The following ANKRD17 variants were observed in gnomAD, a reference collection of about 807,000 sequenced individuals.
ANKRD17 encodes the protein ankyrin repeat domain 17.
A neutral mutation model predicts 229.7 loss-of-function variants in ANKRD17; 19 were observed. The observed-to-expected ratio is 0.08, with a 90% confidence interval of 0.06 to 0.12. The LOEUF is 0.12. ANKRD17 is among the 10% of genes least tolerant of loss of function. The pLI is 1.00. For missense variants in ANKRD17, 2,176 were observed against 3,176.8 expected, an observed-to-expected ratio of 0.68 and a Z score of 7.57; for synonymous variants, 1,112 against 1,146.1, an observed-to-expected ratio of 0.97 and a Z score of 0.60.
intron 1 of ANKRD17, among the ~76,000 whole-genome samples, chr4:73,242,544 C>T (rs4463038): frequency 1 from 152,005 of 152,318 alleles, 75,847 homozygotes; most frequent in East Asian, 1. Context: ...AAAATTAACA[C>T]AAATTTCAAT....
At chr4:73,132,112 T>G (rs979921166) in intron 16 of ANKRD17, among the ~76,000 whole-genome samples, 35 of 151,400 alleles carry the variant, frequency 2.3e-4, no homozygotes, top group East Asian at 1.4e-3. Flanking sequence ...ACTAGTTGTT[T>G]TTTTTTTTTT....
At chr4:73,142,061 T>C (rs1729682228) in intron 13 of ANKRD17, among the ~76,000 whole-genome samples, 181 bp downstream of exon 13, 1 of 152,198 alleles carries the variant, frequency 6.6e-6, no homozygotes, top group Non-Finnish European at 1.5e-5. Context: ...AGCTAAAGCA[T>C]AATCATATCA....
chr4:73,115,038 T>G (rs1725775011), intron 23 of ANKRD17, among the ~76,000 whole-genome samples: 1 of 152,192 alleles, frequency 6.6e-6, no homozygotes, highest in African/African-American at 2.4e-5. Flanking sequence ...GCCAATTCAT[T>G]CTAAAACTTA....
At chr4:73,177,970 A>G (rs893007441) in intron 1 of ANKRD17, among the ~76,000 whole-genome samples, 2 of 152,172 alleles carry the variant, frequency 1.3e-5, no homozygotes, top group Admixed American at 1.3e-4. Context: ...GATATTTACC[A>G]TACTGGAAAT....
At chr4:73,109,891 C>A (rs1725094905) in intron 24 of ANKRD17, among the ~76,000 whole-genome samples, 3 of 149,910 alleles carry the variant, frequency 2.0e-5, no homozygotes, top group Admixed American at 6.7e-5. Flanking sequence ...AAGTAGAATT[C>A]TAGAGGGAGT....
intron 1 of ANKRD17, among the ~76,000 whole-genome samples, chr4:73,248,618 AAGATT>A (rs1254041706): frequency 1.2e-4 from 18 of 152,090 alleles, no homozygotes; most frequent in African/African-American, 3.4e-4. Flanking sequence ...CATAGCTAAT[AAGATT>A]AGATAATAGC....
intron 20 of ANKRD17, 33 bp from the exon 21 acceptor site, chr4:73,120,370 C>T (rs367843981): frequency 3.0e-5 from 48 of 1,589,256 alleles, no homozygotes; most frequent in South Asian, 1.0e-4. Flanking sequence ...AGTAATGACA[C>T]GTAAGAGACT....
chr4:73,117,129 T>C lies in ANKRD17; in HGVS notation c.4189-1213A>G, dbSNP rs368017870. ...TCAAACTTGTACGACCTCTAGAGAT[T>C]AGAGATCTCGATGTGAACTCAAATA... is the stretch of plus-strand genomic sequence containing the variant. On this transcript the variant is annotated intron_variant, in intron 22 of 33. Coordinates refer to ENST00000358602, the MANE Select transcript of ANKRD17 (RefSeq NM_032217.5). Among the ~76,000 whole-genome samples the C allele has an allele frequency of 1.3e-4, 20 of 152,274 alleles. No homozygotes were observed. In the East Asian group the frequency reaches 3.1e-3, roughly 23 times the overall value.
chr4:73,142,342 G>A lies in ANKRD17; in HGVS notation c.2129C>T (p.Thr710Ile). Reference sequence around the variant, plus strand: ...ATCCAAGAGATAGCAAACAACACTTGTATGGCCACCTTTTGCTGCTTCTAT... The same window carrying A: ...ATCCAAGAGATAGCAAACAACACTTATATGGCCACCTTTTGCTGCTTCTAT... ...MLIEAAKGGH[T>I]SVVCYLLDYP... Residue 710 changes from threonine (T) to isoleucine (I), a missense_variant, in exon 13 of 34, where the codon ACA (threonine) becomes ATA (isoleucine). Thr to Ile is a moderately conservative substitution (Grantham distance 89). Transcript: ENST00000358602. 6.3e-7 allele frequency: 1 copy of A among 1,587,254 alleles called. No homozygotes were observed. The highest frequency in any genetic ancestry group is 8.5e-7 in the Non-Finnish European group (1 of 1,174,160).
At chr4:73,138,760 T>C (rs1325406711) in intron 15 of ANKRD17, among the ~76,000 whole-genome samples, 2 of 152,032 alleles carry the variant, frequency 1.3e-5, no homozygotes, top group Non-Finnish European at 2.9e-5. Flanking sequence ...TAAAACCTCA[T>C]CCCATTACTT....
At chr4:73,177,285 ATACCCAATATCATTCATTT>A in intron 2 of ANKRD17, 76 bp downstream of exon 2, 1 of 1,155,616 alleles carries the variant, frequency 8.7e-7, no homozygotes, top group Non-Finnish European at 1.2e-6. Flanking sequence ...ATCATTCTAA[ATACCCAATATCATTCATTT>A]TTAACAAGAG....
In ANKRD17 at chr4:73,258,391, T is replaced by TCGCTGTCGC. The variant is rs1745677650; in HGVS notation, c.269_277dup (p.Ser92_Asp93insGlyAspSer). 1 of 1,606,958 alleles carries TCGCTGTCGC rather than the reference T, an allele frequency of 6.2e-7. No homozygotes were observed. The highest frequency in any genetic ancestry group is 1.4e-5 in the African/African-American group (1 of 73,300). On this transcript the variant is annotated inframe_insertion, in exon 1 of 34. Transcript: ENST00000358602. ...GCCGCCTCCACCGCCGCCGCTGTTG[T>TCGCTGTCGC]CGCTGTCGCTGCTGCTTTCGCTGCT...
At position 73,077,047 on chromosome 4, in the gene ANKRD17, C is replaced by G; in HGVS notation, c.7645G>C (p.Asp2549His). ...AMIPPVAPIP[D>H]GAGGPIFNGP... Reference sequence around the variant, plus strand: ...TTAAATATGGGTCCTCCAGCACCATCAGGGATAGGTGCTACTGGAGGAATC... The same window carrying G: ...TTAAATATGGGTCCTCCAGCACCATGAGGGATAGGTGCTACTGGAGGAATC... Residue 2549 changes from aspartate (D) to histidine (H), a missense_variant, in exon 33 of 34, where the codon GAT (aspartate) becomes CAT (histidine). By Grantham distance (81) the Asp-to-His change is moderately conservative. Coordinates refer to ENST00000358602, the MANE Select transcript of ANKRD17 (RefSeq NM_032217.5). 6.2e-7 allele frequency: 1 copy of G among 1,613,398 alleles called. No individual in the cohort carries two copies. The highest frequency in any genetic ancestry group is 8.5e-7 in the Non-Finnish European group (1 of 1,179,702).
chr4:73,147,474 T>G, intron 8 of ANKRD17, 42 bp from the exon 9 acceptor site: 1 of 1,373,068 alleles, frequency 7.3e-7, no homozygotes, highest in Non-Finnish European at 9.6e-7. Context: ...GTCATTAACT[T>G]ATTCCAGAGA....
At position 73,220,753 on chromosome 4, in the gene ANKRD17, C is replaced by T. The variant is rs114032379; in HGVS notation, c.393+37523G>A. Among the ~76,000 whole-genome samples the T allele has an allele frequency of 6.1e-3, 934 of 152,048 alleles. 11 individuals are homozygous for T. Among genetic ancestry groups the T allele is most frequent in the African/African-American group, 0.019 (779 of 41,500 alleles). On this transcript the variant is annotated intron_variant, in intron 1 of 33. Transcript: ENST00000358602. ...AATAAGCATAATCTACATAAAATTC[C>T]GTATGTTCAATAAATAAAATCACAA...
intron 1 of ANKRD17, among the ~76,000 whole-genome samples, chr4:73,250,688 TTTGTTGTTG>T (rs537285641): frequency 6.9e-4 from 102 of 148,702 alleles, no homozygotes; most frequent in African/African-American, 2.1e-3. Flanking sequence ...TGTAACGGTT[TTTGTTGTTG>T]TTGTTGTTGT....
chr4:73,175,259 C>T lies in ANKRD17; in HGVS notation c.547+2121G>A, dbSNP rs570080083. 1.7e-4 allele frequency among the ~76,000 whole-genome samples: 26 copies of T among 152,186 alleles called. No homozygotes were observed. The South Asian group carries it at 2.3e-3, about 13-fold the overall frequency. On this transcript the variant is annotated intron_variant, in intron 2 of 33. Coordinates refer to ENST00000358602, the MANE Select transcript of ANKRD17 (RefSeq NM_032217.5). The stretch of plus-strand genomic sequence containing the variant: ...CAGCAGGAGAGAGAAGTGTGAGGAG[C>T]GGAAGGGGAAGAGCCCCTTATAAAA...
intron 6 of ANKRD17, among the ~76,000 whole-genome samples, chr4:73,152,576 G>A (rs1220125606): frequency 6.6e-6 from 1 of 152,132 alleles, no homozygotes; most frequent in Non-Finnish European, 1.5e-5. Context: ...ATTAAAGCCT[G>A]CAAGCCCCAA....
chr4:73,154,098 G>A lies in ANKRD17; in HGVS notation c.1016C>T (p.Thr339Ile). 1.3e-6 allele frequency: 2 copies of A among 1,598,950 alleles called. No individual in the cohort carries two copies. Among genetic ancestry groups the A allele is most frequent in the Non-Finnish European group, 1.7e-6 (2 of 1,174,222 alleles). The change falls in exon 6 of 34, where the codon ACA becomes ATA. Residue 339 changes from threonine to isoleucine, a missense_variant. Transcript: ENST00000358602. ...TACATAGCCTCCAGCACAAGCATAT[G>A]TAAGTGCTGTATTGCCTATTTTAAT... ...AQSSTGNTALTYACAGGYVDV... is the reference protein window; with the variant it reads ...AQSSTGNTALIYACAGGYVDV...
Sources: gnomAD v4.1 joint callset for allele counts (sites outside exome capture counted in the v4.1 genomes callset) on GRCh38, gnomAD v4.1.1 for gene constraint, MANE v1.5 for transcripts, NCBI Gene and HGNC (gene_info 2026-07-23, HGNC 2026-07-21) for gene names.